Variants in TRIM55 observed in about 807,000 individuals in gnomAD.
TRIM55 encodes tripartite motif-containing protein 55.
In TRIM55, 50 loss-of-function variants were observed where a neutral mutation model predicts 60.9. The ratio of observed to expected loss-of-function variants is 0.82; its 90% confidence interval spans 0.65 to 1.04. The LOEUF is 1.04. Ranked by LOEUF, TRIM55 falls within the 50% of genes least tolerant of loss-of-function variation. TRIM55 has a pLI of 0.00. For synonymous variants in TRIM55, 237 were observed against 238.1 expected, an observed-to-expected ratio of 1.00 and a Z score of 0.04; for missense variants, 681 against 666.9, an observed-to-expected ratio of 1.02 and a Z score of -0.23.
chr8:66,122,217 C>A (rs1298494509), upstream of TRIM55, among the ~76,000 whole-genome samples: 1 of 152,166 alleles, frequency 6.6e-6, no homozygotes, highest in Admixed American at 6.5e-5. Flanking sequence ...CTGTTTAGGG[C>A]CAACCTGCCT....
At position 66,175,147 on chromosome 8, in the gene TRIM55, A is replaced by C. The variant is rs544748578; in HGVS notation, c.*554A>C. On this transcript the variant is annotated 3_prime_UTR_variant, in exon 10 of 10. Coordinates refer to ENST00000315962, the MANE Select transcript of TRIM55 (RefSeq NM_184085.2). ...AGATGTCACTGGATGTACATTCAGA[A>C]ATGTTCTTTGAATTTGGTGACACTT... The C allele has an allele frequency of 6.5e-6, 1 of 152,770 alleles. No individual in the cohort carries two copies. Among genetic ancestry groups the C allele is most frequent in the Admixed American group, 6.5e-5 (1 of 15,300 alleles). The allele number at this position is 152,770 out of a possible 1,614,324, so 9.5% of individuals were successfully genotyped here.
chr8:66,166,518 G>A (rs572139280), intron 9 of TRIM55, among the ~76,000 whole-genome samples: 5 of 152,276 alleles, frequency 3.3e-5, no homozygotes, highest in South Asian at 2.1e-4. Context: ...TACACTCCAC[G>A]AAGTGAAGAG....
upstream of TRIM55, among the ~76,000 whole-genome samples, chr8:66,122,007 C>T (rs758567091): frequency 6.6e-6 from 1 of 152,136 alleles, no homozygotes; most frequent in Non-Finnish European, 1.5e-5. Context: ...CTGATTTCTC[C>T]TTAGAGCAGA....
rs768577597 is a variant in TRIM55, at chr8:66,127,434, C to T, written c.166C>T (p.Gln56Ter). ...TAGGAAATGTGCCAGTGATATTTTC[C>T]AGGTAGGTTTGTTTGGAATTTGGTT... The part of the protein sequence containing the change: ...LCRKCASDIF[Q>*]ASNPYLPTRG... Residue 56 changes from glutamine to a stop codon, truncating the protein, a stop_gained and splice_region_variant, in exon 1 of 10, where the codon CAG becomes TAG. Transcript: ENST00000315962. LOFTEE classifies it high-confidence loss of function. 1.9e-6 allele frequency: 3 copies of T among 1,613,844 alleles called. No homozygotes were observed. The highest frequency in any genetic ancestry group is 1.1e-5 in the South Asian group (1 of 91,030).
At chr8:66,134,906 G>A in intron 2 of TRIM55, 84 bp from the exon 3 acceptor site, 1 of 1,384,422 alleles carries the variant, frequency 7.2e-7, no homozygotes. Flanking sequence ...GAAGGAATTT[G>A]CAAGGCAGAG....
chr8:66,158,518 G>A (rs1411398548), intron 9 of TRIM55, among the ~76,000 whole-genome samples: 5 of 152,096 alleles, frequency 3.3e-5, no homozygotes, highest in Non-Finnish European at 5.9e-5. Flanking sequence ...GTCTGACTCT[G>A]GGCATCTAAA....
chr8:66,153,300 A>C (rs146344398), intron 8 of TRIM55, among the ~76,000 whole-genome samples: 5 of 152,330 alleles, frequency 3.3e-5, no homozygotes, highest in African/African-American at 9.6e-5. Context: ...AGCTCACCCC[A>C]GATGCTGCAC....
At chr8:66,150,575 G>A (rs1205815806) in intron 7 of TRIM55, 109 bp downstream of exon 7, 60 of 1,281,598 alleles carry the variant, frequency 4.7e-5, no homozygotes, top group Non-Finnish European at 6.1e-5. Context: ...AATCAATGTC[G>A]ACAACTTTAC....
chr8:66,146,181 TATA>T (rs1810085507), intron 4 of TRIM55, among the ~76,000 whole-genome samples: 1 of 152,222 alleles, frequency 6.6e-6, no homozygotes, highest in Non-Finnish European at 1.5e-5. Flanking sequence ...TATTTAATGA[TATA>T]ATAATTTTAA....
intron 4 of TRIM55, 101 bp downstream of exon 4, chr8:66,137,291 ATTCT>A: frequency 1.2e-6 from 1 of 811,606 alleles, no homozygotes; most frequent in South Asian, 1.7e-5. Flanking sequence ...CTGACCTTTC[ATTCT>A]TTGCTTCTAG....
intron 4 of TRIM55, among the ~76,000 whole-genome samples, chr8:66,143,884 C>A (rs1162188484): frequency 6.6e-6 from 1 of 152,084 alleles, no homozygotes; most frequent in Admixed American, 6.6e-5. Flanking sequence ...ACAACAAGAT[C>A]ATTTTAGAGA....
chr8:66,167,243 G>C (rs886592308), intron 9 of TRIM55, among the ~76,000 whole-genome samples: 1 of 152,278 alleles, frequency 6.6e-6, no homozygotes, highest in Middle Eastern at 3.4e-3. Flanking sequence ...ATCTATAACT[G>C]ATAGTAATAC....
upstream of TRIM55, among the ~76,000 whole-genome samples, chr8:66,123,889 T>G (rs1808722972): frequency 6.6e-6 from 1 of 151,952 alleles, no homozygotes; most frequent in Non-Finnish European, 1.5e-5. Context: ...GAGGTTTTTG[T>G]TTTTTTCTAC....
chr8:66,140,577 G>A (rs1292637544), intron 4 of TRIM55, among the ~76,000 whole-genome samples: 2 of 152,242 alleles, frequency 1.3e-5, no homozygotes, highest in South Asian at 2.1e-4. Context: ...TGGCCACCCT[G>A]TGCATCTGTC....
chr8:66,157,098 T>C (rs1191235052), intron 9 of TRIM55, among the ~76,000 whole-genome samples: 1 of 152,182 alleles, frequency 6.6e-6, no homozygotes, highest in Non-Finnish European at 1.5e-5. Context: ...TCACTACATA[T>C]ATGTCTTGTA....
chr8:66,114,335 C>G, the TRIM55 span, among the ~76,000 whole-genome samples: 1 of 152,128 alleles, frequency 6.6e-6, no homozygotes, highest in African/African-American at 2.4e-5. Flanking sequence ...CAGACGAAGT[C>G]AGGTGAAGAG....
At chr8:66,166,340 T>C (rs1811329273) in intron 9 of TRIM55, among the ~76,000 whole-genome samples, 1 of 152,226 alleles carries the variant, frequency 6.6e-6, no homozygotes, top group Non-Finnish European at 1.5e-5. Flanking sequence ...GAGAGCTCTC[T>C]TGGGGAGCTG....
the TRIM55 span, chr8:66,113,372 G>A: frequency 7.8e-6 from 3 of 383,448 alleles, no homozygotes; most frequent in Admixed American, 3.0e-5. Context: ...ACGTCCCTTC[G>A]ATAGCTCAGC....
the TRIM55 span, among the ~76,000 whole-genome samples, chr8:66,117,967 C>T: frequency 6.6e-6 from 1 of 151,202 alleles, no homozygotes; most frequent in Non-Finnish European, 1.5e-5. Context: ...GAGATCGAGC[C>T]CATCCTGGCT....
Sources: gnomAD v4.1 joint callset for allele counts (sites outside exome capture counted in the v4.1 genomes callset) on GRCh38, gnomAD v4.1.1 for gene constraint, MANE v1.5 for transcripts, NCBI Gene and HGNC (gene_info 2026-07-23, HGNC 2026-07-21) for gene names.